The following ROBO2 variants were observed in gnomAD, a reference collection of about 807,000 sequenced individuals.
ROBO2 encodes roundabout homolog 2.
ROBO2 carries 53 observed loss-of-function variants against 160.8 expected under a neutral mutation model. That is an observed-to-expected ratio of 0.33 (90% CI 0.26 to 0.41). The LOEUF (loss-of-function observed/expected upper bound fraction) is 0.41, where lower values mean the gene tolerates loss of function less well. Ranked by LOEUF, ROBO2 falls within the 10% of genes least tolerant of loss-of-function variation. The pLI, the probability that ROBO2 is intolerant of heterozygous loss-of-function variation, is 1.00. For synonymous variants in ROBO2, 664 were observed against 611.7 expected (o/e 1.09, Z -1.26); for missense variants, 1,577 against 1,722.4 (o/e 0.92, Z 1.49).
intron 2 of ROBO2, among the ~76,000 whole-genome samples, chr3:76,072,223 A>G (rs2068483366): frequency 7.6e-6 from 1 of 131,152 alleles, no homozygotes; most frequent in Non-Finnish European, 1.6e-5. Context: ...TGGATAGTAG[A>G]CTTTCTTTCC....
At chr3:76,005,797 T>C (rs1198130923) in intron 2 of ROBO2, among the ~76,000 whole-genome samples, 1 of 151,756 alleles carries the variant, frequency 6.6e-6, no homozygotes, top group Non-Finnish European at 1.5e-5. Flanking sequence ...ACAGAAGAAA[T>C]TAAAATTTGG....
chr3:77,218,324 A>T (rs1049124863), intron 2 of ROBO2, among the ~76,000 whole-genome samples: 1 of 151,144 alleles, frequency 6.6e-6, no homozygotes, highest in South Asian at 2.1e-4. Flanking sequence ...CTCGATCCTT[A>T]GGCTTTTCTT....
chr3:77,602,676 A>G (rs1248554170), intron 20 of ROBO2, among the ~76,000 whole-genome samples, 185 bp downstream of exon 21: 6 of 106,100 alleles, frequency 5.7e-5, no homozygotes, highest in South Asian at 3.3e-4. Context: ...CACCACCACC[A>G]CCACCACCAC....
At chr3:75,924,392 C>T (rs781318270) in intron 1 of ROBO2, among the ~76,000 whole-genome samples, 31 of 151,976 alleles carry the variant, frequency 2.0e-4, no homozygotes, top group Non-Finnish European at 3.4e-4. Context: ...GAGGCAGAGG[C>T]CAAGAGCTCA....
At chr3:77,248,882 T>A (rs1193103007) in intron 2 of ROBO2, among the ~76,000 whole-genome samples, 1 of 151,870 alleles carries the variant, frequency 6.6e-6, no homozygotes, top group African/African-American at 2.4e-5. Flanking sequence ...TGAAAGTCAT[T>A]ACTTTTATTT....
intron 2 of ROBO2, among the ~76,000 whole-genome samples, chr3:77,161,069 A>C (rs766803103): frequency 6.6e-6 from 1 of 152,190 alleles, no homozygotes; most frequent in East Asian, 1.9e-4. Context: ...GAAGCTGCTG[A>C]TTACAAAAGC....
chr3:76,812,909 AT>A (rs71104626), intron 2 of ROBO2, among the ~76,000 whole-genome samples: 6,920 of 104,572 alleles, frequency 0.066, 211 homozygotes, highest in East Asian at 0.11. Context: ...AGAAGTATAA[AT>A]TTTTTTTTTT....
At chr3:77,353,962 A>C (rs997758303) in intron 2 of ROBO2, among the ~76,000 whole-genome samples, 35 of 152,224 alleles carry the variant, frequency 2.3e-4, no homozygotes, top group African/African-American at 7.7e-4. Context: ...GCTTCTTCCC[A>C]CCACTGCTCC....
At chr3:76,564,244 A>G (rs2084378193) in intron 2 of ROBO2, among the ~76,000 whole-genome samples, 1 of 152,248 alleles carries the variant, frequency 6.6e-6, no homozygotes, top group African/African-American at 2.4e-5. Flanking sequence ...TCATCTGAAT[A>G]TTATGCTCCT....
At chr3:77,607,925 A>G in exon 21 of ROBO2, 1 of 1,613,874 alleles carries the variant, frequency 6.2e-7, no homozygotes, top group Non-Finnish European at 8.5e-7. Flanking sequence ...CGGAGCTGGA[A>G]CACTATGCAG....
chr3:76,813,419 A>C (rs2109022503), intron 2 of ROBO2, among the ~76,000 whole-genome samples: 1 of 152,186 alleles, frequency 6.6e-6, no homozygotes. Flanking sequence ...TTTTTGTCAA[A>C]ACTTATTTAA....
intron 2 of ROBO2, among the ~76,000 whole-genome samples, chr3:76,513,460 G>A (rs140159945): frequency 3.9e-4 from 60 of 152,184 alleles, no homozygotes; most frequent in African/African-American, 1.4e-3. Flanking sequence ...GGGTTCAAGC[G>A]ATTCTCCTGC....
At chr3:77,455,737 CT>C (rs11342818) in intron 2 of ROBO2, among the ~76,000 whole-genome samples, 69,367 of 145,992 alleles carry the variant, frequency 0.48, 19,032 homozygotes, top group African/African-American at 0.78. Context: ...GCCTTATACT[CT>C]TTTTTTTTTT....
intron 2 of ROBO2, among the ~76,000 whole-genome samples, chr3:77,428,592 A>T (rs1326791878): frequency 1.3e-5 from 2 of 150,838 alleles, no homozygotes; most frequent in African/African-American, 2.4e-5. Context: ...TCCTGACCTC[A>T]TGATCCACCC....
chr3:76,804,598 A>T (rs949926844), intron 2 of ROBO2, among the ~76,000 whole-genome samples: 3 of 152,212 alleles, frequency 2.0e-5, no homozygotes, highest in African/African-American at 7.2e-5. Context: ...GAGAGCAGAC[A>T]GTCCCTAAAT....
intron 2 of ROBO2, among the ~76,000 whole-genome samples, chr3:75,982,164 G>A (rs978912271): frequency 6.6e-6 from 1 of 151,114 alleles, no homozygotes; most frequent in South Asian, 2.1e-4. Flanking sequence ...TTCTTTATCC[G>A]TTCTTCTGCT....
intron 2 of ROBO2, among the ~76,000 whole-genome samples, chr3:76,527,652 T>TA (rs562583184): frequency 6.4e-4 from 98 of 152,174 alleles, no homozygotes; most frequent in East Asian, 2.7e-3. Context: ...ATGAGATTTT[T>TA]AAAAAAATAC....
chr3:76,775,901 A>T (rs2062220917), intron 2 of ROBO2, among the ~76,000 whole-genome samples: 1 of 150,856 alleles, frequency 6.6e-6, no homozygotes. Context: ...AAACAAGGAT[A>T]TATTGTGTAT....
chr3:76,550,641 A>T (rs530405708), intron 2 of ROBO2, among the ~76,000 whole-genome samples: 59 of 152,134 alleles, frequency 3.9e-4, no homozygotes, highest in Non-Finnish European at 6.9e-4. Context: ...CTGCACTCTC[A>T]GGGGCCTGGG....
Sources: allele counts gnomAD v4.1 joint callset (sites outside exome capture counted in the v4.1 genomes callset), GRCh38; gene constraint gnomAD v4.1.1; transcripts MANE v1.5; gene names NCBI Gene and HGNC (gene_info 2026-07-23, HGNC 2026-07-21).